PPP2R2B: variants seen among roughly 807,000 people sequenced by gnomAD.
The protein encoded by PPP2R2B is serine/threonine-protein phosphatase 2A 55 kDa regulatory subunit B beta isoform.
Under a neutral mutation model 46.0 loss-of-function variants are expected in PPP2R2B, and 5 were observed. That is an observed-to-expected ratio of 0.11 (90% CI 0.06 to 0.23). The LOEUF is 0.23. Among genes scored for constraint, PPP2R2B ranks in the 10% least tolerant of loss-of-function variants. PPP2R2B has a pLI of 1.00. For missense variants in PPP2R2B, 367 were observed against 575.0 expected (o/e 0.64, Z 3.70); for synonymous variants, 215 against 206.7 (o/e 1.04, Z -0.34).
intron 1 of PPP2R2B, among the ~76,000 whole-genome samples, chr5:147,012,279 A>T (rs74375038): frequency 0.48 from 72,284 of 151,794 alleles, 18,689 homozygotes; most frequent in Middle Eastern, 0.59. Context: ...CTATTCAGAG[A>T]TTCAACTTCT....
chr5:146,653,191 C>T (rs192191733), intron 5 of PPP2R2B, among the ~76,000 whole-genome samples: 48 of 152,190 alleles, frequency 3.2e-4, no homozygotes, highest in Admixed American at 6.5e-4. Flanking sequence ...AGGTTTAATT[C>T]GGGGACTGGA....
chr5:147,018,800 C>T (rs185880171), intron 1 of PPP2R2B, among the ~76,000 whole-genome samples: 5 of 152,126 alleles, frequency 3.3e-5, no homozygotes, highest in African/African-American at 1.2e-4. Context: ...TAGTGATGTC[C>T]TCCTGGTGCC....
At chr5:146,746,289 T>G (rs1473164480) in intron 2 of PPP2R2B, among the ~76,000 whole-genome samples, 1 of 152,090 alleles carries the variant, frequency 6.6e-6, no homozygotes, top group Non-Finnish European at 1.5e-5. Context: ...CCCAATCAGA[T>G]CCACCTTGAC....
intron 1 of PPP2R2B, among the ~76,000 whole-genome samples, chr5:146,932,584 A>G (rs1404644027): frequency 6.6e-6 from 1 of 152,188 alleles, no homozygotes; most frequent in East Asian, 1.9e-4. Flanking sequence ...GCCATGTGGA[A>G]CTGTGAGTCC....
At chr5:146,955,161 C>T (rs991963582) in intron 1 of PPP2R2B, among the ~76,000 whole-genome samples, 1 of 152,000 alleles carries the variant, frequency 6.6e-6, no homozygotes, top group African/African-American at 2.4e-5. Context: ...ACCAATTGTG[C>T]TAAAATATAA....
intron 1 of PPP2R2B, among the ~76,000 whole-genome samples, chr5:146,972,563 T>C (rs1752706750): frequency 6.6e-6 from 1 of 151,910 alleles, no homozygotes; most frequent in South Asian, 2.1e-4. Context: ...AATACAAAAA[T>C]TAGCTGGGCA....
chr5:146,713,466 A>C (rs546940121), intron 2 of PPP2R2B, among the ~76,000 whole-genome samples: 1 of 152,238 alleles, frequency 6.6e-6, no homozygotes, highest in Non-Finnish European at 1.5e-5. Flanking sequence ...TGTTACGTAC[A>C]TTTTACAACA....
rs569895998 is a variant in PPP2R2B, at chr5:146,972,638, G to T, written c.79+83027C>A. 5.9e-5 allele frequency among the ~76,000 whole-genome samples: 9 copies of T among 152,214 alleles called. No individual in the cohort carries two copies. In the East Asian group the frequency reaches 1.5e-3, roughly 26 times the overall value. On this transcript the variant is annotated intron_variant, in intron 1 of 8. Coordinates refer to the PPP2R2B transcript ENST00000336640. The stretch of plus-strand genomic sequence containing the variant: ...GAGGCAGGAGAATCACTTGAACACG[G>T]GAGGCAGAGGTCGAAGTCAGCTGAG...
intron 1 of PPP2R2B, among the ~76,000 whole-genome samples, chr5:147,049,051 G>T (rs1361045813): frequency 6.6e-6 from 1 of 151,582 alleles, no homozygotes; most frequent in Non-Finnish European, 1.5e-5. Flanking sequence ...GGGGGTGAGA[G>T]GAGAGGCAGA....
chr5:146,676,460 C>T (rs1777722994), intron 5 of PPP2R2B, among the ~76,000 whole-genome samples: 1 of 152,154 alleles, frequency 6.6e-6, no homozygotes, highest in Non-Finnish European at 1.5e-5. Flanking sequence ...TGTGCTACCT[C>T]CTACCTGATG....
At chr5:146,600,246 T>C in intron 8 of PPP2R2B, 45 bp downstream of exon 8, 1 of 1,585,912 alleles carries the variant, frequency 6.3e-7, no homozygotes, top group Non-Finnish European at 8.6e-7. Context: ...TAAAAGCTCA[T>C]GAAGGGAATG....
chr5:147,040,834 A>G, intron 1 of PPP2R2B: 1 of 438,496 alleles, frequency 2.3e-6, no homozygotes. Flanking sequence ...ACTGTAAAAT[A>G]ATAGTGCCAT....
At chr5:147,016,154 G>A (rs1445373576) in intron 1 of PPP2R2B, among the ~76,000 whole-genome samples, 1 of 151,472 alleles carries the variant, frequency 6.6e-6, no homozygotes, top group Admixed American at 6.6e-5. Context: ...TGGGAAACAT[G>A]GCAAGATCCA....
At chr5:146,948,582 GA>G (rs58571441) in intron 1 of PPP2R2B, among the ~76,000 whole-genome samples, 32,808 of 151,732 alleles carry the variant, frequency 0.22, 4,386 homozygotes, top group African/African-American at 0.38. Context: ...AAAACAAAGG[GA>G]AAAAAAGAAA....
chr5:146,886,823 T>TGG (rs1399285089), intron 1 of PPP2R2B, among the ~76,000 whole-genome samples: 1 of 151,470 alleles, frequency 6.6e-6, no homozygotes, highest in African/African-American at 2.4e-5. Flanking sequence ...TTAAACTTTT[T>TGG]TAGTAAAAAA....
chr5:146,781,931 C>T (rs1378001476), intron 2 of PPP2R2B, among the ~76,000 whole-genome samples: 1 of 152,162 alleles, frequency 6.6e-6, no homozygotes, highest in African/African-American at 2.4e-5. Context: ...GAGGTGGGGC[C>T]TGGTGAGAGG....
intron 5 of PPP2R2B, among the ~76,000 whole-genome samples, chr5:146,675,551 G>A (rs1777654607): frequency 6.6e-6 from 1 of 152,194 alleles, no homozygotes; most frequent in Admixed American, 6.5e-5. Context: ...AATCTAGGAT[G>A]AAACATATAG....
At chr5:146,833,721 C>T (rs1408172064) in intron 2 of PPP2R2B, among the ~76,000 whole-genome samples, 4 of 151,952 alleles carry the variant, frequency 2.6e-5, no homozygotes, top group Admixed American at 2.6e-4. Flanking sequence ...CTTTTTCTGT[C>T]TCTCTCCCCC....
chr5:146,731,838 T>C (rs1329792365), intron 2 of PPP2R2B, among the ~76,000 whole-genome samples: 1 of 152,200 alleles, frequency 6.6e-6, no homozygotes, highest in Non-Finnish European at 1.5e-5. Flanking sequence ...GGTATGTCCA[T>C]TGAACTTTTT....
Sources: allele counts gnomAD v4.1 joint callset (sites outside exome capture counted in the v4.1 genomes callset), GRCh38; gene constraint gnomAD v4.1.1; transcripts MANE v1.5; gene names NCBI Gene and HGNC (gene_info 2026-07-23, HGNC 2026-07-21).